Variants in LGI2 observed in about 807,000 individuals in gnomAD.
LGI2 encodes leucine rich repeat LGI family member 2.
In LGI2, 30 loss-of-function variants were observed where a neutral mutation model predicts 52.0. That is an observed-to-expected ratio of 0.58 (90% CI 0.43 to 0.78). The LOEUF (loss-of-function observed/expected upper bound fraction) is 0.78. LGI2 is among the 30% of genes least tolerant of loss of function. LGI2 has a pLI of 0.00. For synonymous variants in LGI2, 270 were observed against 271.8 expected (o/e 0.99, Z 0.06); for missense variants, 573 against 692.5 (o/e 0.83, Z 1.94).
intron 7 of LGI2, among the ~76,000 whole-genome samples, chr4:25,005,548 T>C (rs560073105): frequency 6.6e-6 from 1 of 151,398 alleles, no homozygotes; most frequent in Non-Finnish European, 1.5e-5. Flanking sequence ...CAATTTTAAT[T>C]TGTCAGTTTA....
Position 25,015,688 on chromosome 4 carries a change from A to T in LGI2, c.655+2301T>A, listed in dbSNP as rs1018745190. Among the ~76,000 whole-genome samples the T allele has an allele frequency of 3.3e-5, 5 of 152,156 alleles. No individual in the cohort carries two copies. In the South Asian group the frequency reaches 1.0e-3, roughly 32 times the overall value. ...ACCTTTGGCTTTCCATTTTCCCTCC[A>T]TCCTCATTTGTTCCCCCGACCCCAC... On this transcript the variant is annotated intron_variant, in intron 6 of 7. Transcript: ENST00000382114.
intron 7 of LGI2, among the ~76,000 whole-genome samples, chr4:25,008,898 A>G (rs1725478220): frequency 6.6e-6 from 1 of 152,218 alleles, no homozygotes; most frequent in Non-Finnish European, 1.5e-5. Flanking sequence ...CTCTGGCCCC[A>G]GCCACACCCA....
intron 6 of LGI2, among the ~76,000 whole-genome samples, chr4:25,016,917 G>T (rs146842412): frequency 1.1e-4 from 16 of 152,270 alleles, no homozygotes; most frequent in African/African-American, 3.9e-4. Context: ...TCATACAGCG[G>T]CCTGATCCTC....
intron 4 of LGI2, among the ~76,000 whole-genome samples, chr4:25,019,645 C>G (rs776696540): frequency 7.9e-5 from 12 of 152,166 alleles, no homozygotes; most frequent in Non-Finnish European, 8.8e-5. Context: ...CCTTGCTATT[C>G]CTCCAACAGG....
rs762484622 is a variant in LGI2 at position 25,018,083 on chromosome 4, G to A, written c.561C>T (p.Ser187=). Reference sequence around the variant, plus strand: ...CAATACACAGCACATCAGAAACGGTGGAATTTGTCATCTTCAACCACAGGT... The same window carrying A: ...CAATACACAGCACATCAGAAACGGTAGAATTTGTCATCTTCAACCACAGGT... The part of the protein sequence containing the change: ...WLYLWLKMTN[S]TVSDVLCIGP... Residue 187 remains serine (S), a synonymous_variant, in exon 6 of 8, where the codon TCC becomes TCT. Transcript: ENST00000382114. 4.3e-6 allele frequency: 7 copies of A among 1,613,520 alleles called. No individual in the cohort carries two copies. The highest frequency in any genetic ancestry group is 5.1e-6 in the Non-Finnish European group (6 of 1,179,876).
intron 2 of LGI2, among the ~76,000 whole-genome samples, 153 bp downstream of exon 2, chr4:25,028,354 C>T (rs1169591379): frequency 6.6e-6 from 1 of 152,132 alleles, no homozygotes; most frequent in Non-Finnish European, 1.5e-5. Context: ...TTGCTGGGGA[C>T]ATCACAGGGT....
chr4:24,993,964 T>A (rs1724975781), downstream of LGI2, among the ~76,000 whole-genome samples: 1 of 152,224 alleles, frequency 6.6e-6, no homozygotes, highest in Non-Finnish European at 1.5e-5. Flanking sequence ...GCTGAAAATA[T>A]GAAATACCAG....
At chr4:24,994,504 G>A (rs143168885), downstream of LGI2, among the ~76,000 whole-genome samples, 245 of 152,300 alleles carry the variant, frequency 1.6e-3, 1 homozygote, top group East Asian at 0.024. Context: ...GGTGCTATAG[G>A]TGCAATGAGG....
Position 25,003,746 on chromosome 4 carries a change from C to T in LGI2, c.1343G>A (p.Trp448Ter). 1.9e-6 allele frequency: 3 copies of T among 1,614,196 alleles called. No homozygotes were observed. Among genetic ancestry groups the T allele is most frequent in the Non-Finnish European group, 2.5e-6 (3 of 1,180,048 alleles). Residue 448 changes from tryptophan (W) to a stop codon, truncating the protein, a stop_gained, in exon 8 of 8, where the codon TGG becomes TAG. Coordinates refer to ENST00000382114, the MANE Select transcript of LGI2 (RefSeq NM_018176.4). LOFTEE classifies it high-confidence loss of function. ...RFIGDSRVMRWNSKQFVEIQA... is the reference protein window; with the variant it reads ...RFIGDSRVMR Reference sequence around the variant, plus strand: ...GATCTCCACAAACTGCTTACTGTTCCACCTCATGACCCGGGAGTCCCCGAT... The same window carrying T: ...GATCTCCACAAACTGCTTACTGTTCTACCTCATGACCCGGGAGTCCCCGAT...
intron 7 of LGI2, among the ~76,000 whole-genome samples, chr4:25,005,672 T>TA (rs914403903): frequency 6.6e-6 from 1 of 151,858 alleles, no homozygotes; most frequent in African/African-American, 2.4e-5. Context: ...TAAGGGATGA[T>TA]AAAAAGGCAG....
chr4:25,029,910 A>G (rs1726271684), intron 1 of LGI2, among the ~76,000 whole-genome samples: 1 of 152,144 alleles, frequency 6.6e-6, no homozygotes, highest in African/African-American at 2.4e-5. Context: ...CAGAGCCTGC[A>G]TGCCTTGACC....
chr4:25,019,380 A>G (rs1725876702), intron 4 of LGI2, 142 bp from the exon 5 acceptor site: 2 of 587,172 alleles, frequency 3.4e-6, no homozygotes, highest in East Asian at 3.1e-5. Context: ...TTATGCAAAT[A>G]TAACATAAGA....
At chr4:25,028,628 G>A in intron 1 of LGI2, 50 bp from the exon 2 acceptor site, 1 of 1,506,870 alleles carries the variant, frequency 6.6e-7, no homozygotes, top group Non-Finnish European at 9.1e-7. Flanking sequence ...TTTAGGAAGT[G>A]CCATGCAGGG....
chr4:25,018,765 G>A (rs1725853566), intron 5 of LGI2, among the ~76,000 whole-genome samples: 1 of 152,072 alleles, frequency 6.6e-6, no homozygotes, highest in Non-Finnish European at 1.5e-5. Flanking sequence ...AGGAGGCTGA[G>A]GCAGGAGAAT....
At chr4:25,022,439 A>G (rs985814210) in intron 4 of LGI2, among the ~76,000 whole-genome samples, 1 of 152,112 alleles carries the variant, frequency 6.6e-6, no homozygotes, top group Non-Finnish European at 1.5e-5. Context: ...AGCTGAGGAG[A>G]GGCTTGACTT....
At position 25,002,061 on chromosome 4, in the gene LGI2, G is replaced by C. The variant is rs185403281; in HGVS notation, c.*1390C>G. The stretch of plus-strand genomic sequence containing the variant: ...TCTTCCACATAACCAGACCCCAGGA[G>C]CTTGCCTATTGCCCATACCAGAGAG... On this transcript the variant is annotated 3_prime_UTR_variant, in exon 8 of 8. Coordinates refer to ENST00000382114, the MANE Select transcript of LGI2 (RefSeq NM_018176.4). The C allele has an allele frequency of 1.1e-4, 16 of 152,290 alleles. No homozygotes were observed. Among genetic ancestry groups the C allele is most frequent in the Non-Finnish European group, 2.1e-4 (14 of 68,106 alleles). The allele number at this position is 152,290 out of a possible 1,614,324, so 9.4% of individuals were successfully genotyped here. A position where few individuals can be genotyped will look rare whatever the true frequency, so the allele number is the denominator to read the frequency against.
the LGI2 span, among the ~76,000 whole-genome samples, chr4:24,992,246 T>TA: frequency 6.6e-6 from 1 of 151,880 alleles, no homozygotes; most frequent in African/African-American, 2.4e-5. Context: ...GGGGTTGGAG[T>TA]AAGAGGCTCC....
chr4:25,010,470 C>T (rs116237948), intron 7 of LGI2, among the ~76,000 whole-genome samples: 133 of 152,268 alleles, frequency 8.7e-4, no homozygotes, highest in Non-Finnish European at 1.7e-3. Context: ...CTTTGAGAAG[C>T]GCCCGCTCTG....
intron 6 of LGI2, among the ~76,000 whole-genome samples, chr4:25,013,178 G>A (rs1372495956): frequency 6.6e-6 from 1 of 152,244 alleles, no homozygotes; most frequent in Admixed American, 6.5e-5. Context: ...CACGAAGTGA[G>A]TGCTCAATAC....
Sources: allele counts gnomAD v4.1 joint callset (sites outside exome capture counted in the v4.1 genomes callset), GRCh38; gene constraint gnomAD v4.1.1; transcripts MANE v1.5; gene names NCBI Gene and HGNC (gene_info 2026-07-23, HGNC 2026-07-21).